Variants in CAP2 observed in about 807,000 individuals in gnomAD.
CAP2 encodes adenylyl cyclase-associated protein 2.
CAP2 carries 24 observed loss-of-function variants against 57.7 expected under a neutral mutation model. The ratio of observed to expected loss-of-function variants is 0.42; its 90% CI spans 0.30 to 0.58. The LOEUF (loss-of-function observed/expected upper bound fraction) is 0.58. Ranked by LOEUF, CAP2 falls within the 20% of genes least tolerant of loss-of-function variation. CAP2 has a pLI of 0.22. For missense variants in CAP2, 501 were observed against 590.3 expected, an observed-to-expected ratio of 0.85 and a Z score of 1.57; for synonymous variants, 194 against 207.2, an observed-to-expected ratio of 0.94 and a Z score of 0.55.
At chr6:17,443,123 G>A (rs149817497) in intron 3 of CAP2, among the ~76,000 whole-genome samples, 2 of 152,176 alleles carry the variant, frequency 1.3e-5, no homozygotes, top group East Asian at 1.9e-4. Flanking sequence ...ATGGTGGCAC[G>A]CACCTGTAGC....
At chr6:17,549,915 A>C (rs1763131364) in intron 11 of CAP2, among the ~76,000 whole-genome samples, 1 of 152,240 alleles carries the variant, frequency 6.6e-6, no homozygotes, top group Non-Finnish European at 1.5e-5. Flanking sequence ...GTATACACTA[A>C]AGAAGCCCCA....
rs191477828 is a variant in CAP2, at chr6:17,549,332, G to T, written c.1210-2132G>T. 2.0e-5 allele frequency among the ~76,000 whole-genome samples: 3 copies of T among 152,150 alleles called. No individual in the cohort carries two copies. The East Asian group carries it at 5.8e-4, about 29-fold the overall frequency. ...TACAAAATTAGCCGGGCATGGTGAC[G>T]CATGCCTATAATTCCAGATACTCAG... On this transcript the variant is annotated intron_variant, in intron 11 of 12. Coordinates refer to ENST00000229922, the MANE Select transcript of CAP2 (RefSeq NM_006366.3).
At chr6:17,402,795 T>C (rs1227159200) in intron 1 of CAP2, among the ~76,000 whole-genome samples, 1 of 152,240 alleles carries the variant, frequency 6.6e-6, no homozygotes, top group East Asian at 1.9e-4. Flanking sequence ...ACTTAACTTA[T>C]ATCTCTACAG....
rs2206612 is a variant in CAP2 at position 17,430,683 on chromosome 6, C to T, written c.222+3993C>T. Among the ~76,000 whole-genome samples, 683 of 152,146 alleles carry T rather than the reference C, an allele frequency of 4.5e-3. 10 individuals carry two copies. The highest frequency in any genetic ancestry group is 0.016 in the African/African-American group (651 of 41,510). Reference sequence around the variant, plus strand: ...CCTCCCAAGTACCTGGGATTACAGCCGCACGCCACTACGTCTGGCTAATTT... The same window carrying T: ...CCTCCCAAGTACCTGGGATTACAGCTGCACGCCACTACGTCTGGCTAATTT... On this transcript the variant is annotated intron_variant, in intron 3 of 12. Coordinates refer to ENST00000229922, the MANE Select transcript of CAP2 (RefSeq NM_006366.3).
chr6:17,411,649 T>C lies in CAP2; in HGVS notation c.-1-9906T>C, dbSNP rs1759143609. ...TATTAAACTGGCATATTTGCCTTCT[T>C]ATTGAGTGTAAAAGTTTTTTTATAT... On this transcript the variant is annotated intron_variant, in intron 1 of 12. Transcript: ENST00000229922. Among the ~76,000 whole-genome samples, 4 of 152,228 alleles carry C rather than the reference T, an allele frequency of 2.6e-5. No individual in the cohort carries two copies. In the South Asian group the frequency reaches 8.3e-4, roughly 32 times the overall value.
At position 17,513,794 on chromosome 6, in the gene CAP2, A is replaced by T. The variant is rs185703292; in HGVS notation, c.531-55A>T. On this transcript the variant is annotated intron_variant, in intron 6 of 12. Coordinates refer to ENST00000229922, the MANE Select transcript of CAP2 (RefSeq NM_006366.3). This position sits in a 1 kb window ranked among gnomAD's most constrained non-coding sequence, Gnocchi z 4.3. ...AACCATGTGCCCCCACAATTTTTTT[A>T]AAATTTTATTTTAGATCCTAACTCT... 292 of 1,307,734 alleles carry T rather than the reference A, an allele frequency of 2.2e-4. 1 individual carries two copies. The African/African-American group carries it at 3.6e-3, about 16-fold the overall frequency. 81.0% of individuals were successfully genotyped at this position (1,307,734 alleles called of 1,614,324 possible). A position where few individuals can be genotyped will look rare whatever the true frequency, so the allele number is the denominator to read the frequency against.
At chr6:17,529,609 C>A (rs1762589464) in intron 7 of CAP2, among the ~76,000 whole-genome samples, 1 of 144,216 alleles carries the variant, frequency 6.9e-6, no homozygotes, top group South Asian at 2.1e-4. Flanking sequence ...CCACTGCACT[C>A]CGGCCTGGGC....
chr6:17,404,388 G>A (rs544241919), intron 1 of CAP2, among the ~76,000 whole-genome samples: 238 of 152,232 alleles, frequency 1.6e-3, no homozygotes, highest in Middle Eastern at 6.8e-3. Context: ...GGCAGATCAC[G>A]AGGTCAGGAG....
chr6:17,444,337 T>C (rs1760184125), intron 3 of CAP2, among the ~76,000 whole-genome samples: 1 of 152,132 alleles, frequency 6.6e-6, no homozygotes, highest in Non-Finnish European at 1.5e-5. Flanking sequence ...CCTAGACCAG[T>C]AGTTAAAAAA....
At chr6:17,436,682 T>C (rs1488778755) in intron 3 of CAP2, among the ~76,000 whole-genome samples, 1 of 151,942 alleles carries the variant, frequency 6.6e-6, no homozygotes, top group African/African-American at 2.4e-5. Flanking sequence ...TCTCCCTTGC[T>C]CCAGTCTCCT....
chr6:17,474,299 A>AT (rs1286996049), intron 4 of CAP2, among the ~76,000 whole-genome samples: 1 of 128,846 alleles, frequency 7.8e-6, no homozygotes, highest in Non-Finnish European at 1.6e-5. Flanking sequence ...CTTGTTTGAT[A>AT]TTTTTTTCCC....
At chr6:17,397,808 G>A (rs1232702444) in intron 1 of CAP2, among the ~76,000 whole-genome samples, 1 of 151,094 alleles carries the variant, frequency 6.6e-6, no homozygotes, top group Non-Finnish European at 1.5e-5. Flanking sequence ...AGGCATTTGG[G>A]TTGGTTCCCA....
chr6:17,424,710 C>A (rs1427099381), intron 2 of CAP2, among the ~76,000 whole-genome samples: 1 of 152,182 alleles, frequency 6.6e-6, no homozygotes, highest in Non-Finnish European at 1.5e-5. Flanking sequence ...AAGGGATGCT[C>A]AAAGGATGCA....
intron 3 of CAP2, among the ~76,000 whole-genome samples, chr6:17,460,637 TC>T (rs764325342): frequency 2.7e-4 from 41 of 152,312 alleles, no homozygotes; most frequent in Middle Eastern, 3.4e-3. Flanking sequence ...CATTTTATAA[TC>T]TTTTTTTTAA....
At chr6:17,422,708 T>C (rs1759481557) in intron 2 of CAP2, among the ~76,000 whole-genome samples, 1 of 152,122 alleles carries the variant, frequency 6.6e-6, no homozygotes, top group Admixed American at 6.6e-5. Flanking sequence ...TTTTTAATTA[T>C]ATCATCAAAA....
chr6:17,436,243 C>A (rs532835306), intron 3 of CAP2, among the ~76,000 whole-genome samples: 40 of 152,208 alleles, frequency 2.6e-4, no homozygotes, highest in African/African-American at 8.7e-4. Flanking sequence ...CCTGCCTCAG[C>A]CTCCCAAATA....
chr6:17,438,431 G>GTAT lies in CAP2; in HGVS notation c.222+11742_222+11743insATT, dbSNP rs1554122609. 2.8e-3 allele frequency among the ~76,000 whole-genome samples: 243 copies of GTAT among 85,480 alleles called. 7 individuals are homozygous for GTAT. The highest frequency in any genetic ancestry group is 0.015 in the African/African-American group (237 of 16,026). The allele number at this position is 85,480 out of a possible 152,430, so 56.1% of individuals were successfully genotyped here. ...TGTTTGCTTGTTTGACCATCCAGAAGTGTTTTTTTTTTTTTTTTTTTTTTT... is the reference window on the plus strand; with the variant it reads ...TGTTTGCTTGTTTGACCATCCAGAAGTATTGTTTTTTTTTTTTTTTTTTTTTTT... On this transcript the variant is annotated intron_variant, in intron 3 of 12. Transcript: ENST00000229922.
chr6:17,420,615 A>G (rs1759413953), intron 1 of CAP2, among the ~76,000 whole-genome samples: 1 of 152,232 alleles, frequency 6.6e-6, no homozygotes, highest in Non-Finnish European at 1.5e-5. Flanking sequence ...AAATAGTGAA[A>G]ATACGCTCCC....
At chr6:17,548,987 G>C (rs186492598) in intron 11 of CAP2, among the ~76,000 whole-genome samples, 1 of 151,666 alleles carries the variant, frequency 6.6e-6, no homozygotes, top group East Asian at 1.9e-4. Flanking sequence ...AATTAATTAG[G>C]GTCAAAAAGC....
Sources: gnomAD v4.1 joint callset for allele counts (sites outside exome capture counted in the v4.1 genomes callset) on GRCh38, gnomAD v4.1.1 for gene constraint, Gnocchi (gnomAD v3.1) non-coding constraint, MANE v1.5 for transcripts, NCBI Gene and HGNC (gene_info 2026-07-23, HGNC 2026-07-21) for gene names.